The following SPG7 variants were observed in gnomAD, a reference collection of about 807,000 sequenced individuals.
The protein encoded by SPG7 is SPG7 matrix AAA peptidase subunit, paraplegin, also known as mitochondrial inner membrane m-AAA protease component paraplegin.
A neutral mutation model predicts 81.9 loss-of-function variants in SPG7; 103 were observed. The observed-to-expected ratio is 1.26, with a 90% confidence interval of 1.07 to 1.48. The LOEUF (loss-of-function observed/expected upper bound fraction) is 1.48, where lower values mean the gene tolerates loss of function less well. Among genes scored for constraint, SPG7 ranks in the 40% most tolerant of loss-of-function variants. The pLI, the probability that SPG7 is intolerant of heterozygous loss-of-function variation, is 0.00. For synonymous variants in SPG7, 534 were observed against 444.2 expected, an observed-to-expected ratio of 1.20 and a Z score of -2.54; for missense variants, 1,241 against 1,087.3, an observed-to-expected ratio of 1.14 and a Z score of -1.99.
chr16:89,534,928 G>T (rs1282600369), intron 9 of SPG7, among the ~76,000 whole-genome samples: 2 of 152,168 alleles, frequency 1.3e-5, no homozygotes, highest in Non-Finnish European at 2.9e-5. Context: ...TTGAGACAGG[G>T]TCTTGCTGTG....
intron 6 of SPG7, 106 bp from the exon 7 acceptor site, chr16:89,530,577 G>C (rs2058327656): frequency 1.6e-6 from 2 of 1,266,528 alleles, no homozygotes; most frequent in Admixed American, 3.4e-5. Context: ...ATCCTAGGAT[G>C]GAGACGTGGG....
At chr16:89,524,346 G>A (rs1413919652) in intron 4 of SPG7, 99 bp downstream of exon 4, 19 of 1,360,916 alleles carry the variant, frequency 1.4e-5, no homozygotes, top group Non-Finnish European at 1.9e-5. Flanking sequence ...GGGTGTGGGC[G>A]CTGGCTGTTG....
At chr16:89,531,864 T>A in intron 7 of SPG7, 40 bp from the exon 8 acceptor site, 1 of 1,611,766 alleles carries the variant, frequency 6.2e-7, no homozygotes, top group Non-Finnish European at 8.5e-7. Context: ...AAAAACGGAA[T>A]CCCCAAGTAG....
rs115372246 is a variant in SPG7 at position 89,551,363 on chromosome 16, T to G, written c.1779+754T>G. ...TGCCAGCTTGGTTTGTCAGTGCTGG[T>G]CTCCGTGATTGGTTCTCAGGTGTGA... On this transcript the variant is annotated intron_variant, in intron 13 of 16. Coordinates refer to ENST00000645818, the MANE Select transcript of SPG7 (RefSeq NM_003119.4). The G allele has an allele frequency of 8.3e-3, 1,305 of 157,212 alleles. 10 individuals are homozygous for G. The highest frequency in any genetic ancestry group is 0.024 in the Middle Eastern group (7 of 294). 9.7% of individuals were successfully genotyped at this position (157,212 alleles called of 1,614,324 possible).
At position 89,529,978 on chromosome 16, in the gene SPG7, T is replaced by A. The variant is rs1386643825; in HGVS notation, c.861+399T>A. On this transcript the variant is annotated intron_variant, in intron 6 of 16. Coordinates refer to ENST00000645818, the MANE Select transcript of SPG7 (RefSeq NM_003119.4). ...CCTCAGCTTCCCGAGTAGCTGGGAT[T>A]ACAGGCACGCGCCACCACGTCCAGC... The A allele has an allele frequency of 9.4e-6, 3 of 320,724 alleles. No homozygotes were observed. In the Admixed American group the frequency reaches 1.3e-4, roughly 14 times the overall value. 19.9% of individuals were successfully genotyped at this position (320,724 alleles called of 1,614,324 possible).
At chr16:89,511,499 G>C (rs920876634) in intron 2 of SPG7, among the ~76,000 whole-genome samples, 1 of 152,208 alleles carries the variant, frequency 6.6e-6, no homozygotes, top group African/African-American at 2.4e-5. Context: ...CATGGGTAGG[G>C]AGAGTGCCGT....
chr16:89,554,496 T>G lies in SPG7; in HGVS notation c.2114T>G (p.Leu705Arg), dbSNP rs753538779. Residue 705 changes from leucine to arginine, a missense_variant, in exon 16 of 17, where the codon CTG becomes CGG. Transcript: ENST00000645818. Reference protein sequence around the residue: ...LQQMMDHEARLLVAKAYRHTE... With the variant: ...LQQMMDHEARRLVAKAYRHTE... The stretch of plus-strand genomic sequence containing the variant: ...TCCCTCCACTCACAGGAAGCAAGAC[T>G]GCTGGTGGCCAAGGCCTACAGACAC... The G allele has an allele frequency of 2.5e-6, 4 of 1,608,926 alleles. No homozygotes were observed. In the Admixed American group the frequency reaches 6.7e-5, roughly 27 times the overall value.
chr16:89,546,683 A>G lies in SPG7; in HGVS notation c.1475A>G (p.His492Arg). The G allele has an allele frequency of 6.2e-7, 1 of 1,612,984 alleles. No homozygotes were observed. The highest frequency in any genetic ancestry group is 8.5e-7 in the Non-Finnish European group (1 of 1,179,476). ...LQERREIFEQ[H>R]LKSLKLTQSS... Reference sequence around the variant, plus strand: ...GAGAGGCGGGAGATTTTTGAGCAGCACCTGAAGAGCCTGAAGCTGACCCAG... The same window carrying G: ...GAGAGGCGGGAGATTTTTGAGCAGCGCCTGAAGAGCCTGAAGCTGACCCAG... Residue 492 changes from histidine (H) to arginine (R), a missense_variant, in exon 11 of 17, where the codon CAC becomes CGC. Transcript: ENST00000645818.
chr16:89,532,926 T>G, intron 9 of SPG7: 1 of 435,252 alleles, frequency 2.3e-6, no homozygotes, highest in Non-Finnish European at 4.3e-6. Context: ...TCTACAAAAA[T>G]ACAAAAGTCA....
Position 89,524,240 on chromosome 16 carries a change from G to A in SPG7, c.611G>A (p.Gly204Glu), listed in dbSNP as rs1434803859. 6.2e-7 allele frequency: 1 copy of A among 1,610,588 alleles called. No individual in the cohort carries two copies. ...CTGCACCCTGGAGCCGTGGTGTTTGGGCGGCCTGTGAGTGAGGGTGCGGGA... is the reference window on the plus strand; with the variant it reads ...CTGCACCCTGGAGCCGTGGTGTTTGAGCGGCCTGTGAGTGAGGGTGCGGGA... Reference protein sequence around the residue: ...VYLHPGAVVFGRPRLALMYRM... With the variant: ...VYLHPGAVVFERPRLALMYRM... The change falls in exon 4 of 17, where the codon GGG becomes GAG. Residue 204 changes from glycine to glutamate, a missense_variant. Gly to Glu is a moderately conservative substitution (Grantham distance 98). Transcript: ENST00000645818.
Position 89,550,480 on chromosome 16 carries a change from C to CGGCATTCT in SPG7, c.1664-13_1664-6dup, listed in dbSNP as rs1567931749. 1 of 1,593,412 alleles carries CGGCATTCT rather than the reference C, an allele frequency of 6.3e-7. No homozygotes were observed. The highest frequency in any genetic ancestry group is 8.6e-7 in the Non-Finnish European group (1 of 1,162,208). On this transcript the variant is annotated splice_polypyrimidine_tract_variant and intron_variant, in intron 12 of 16. Transcript: ENST00000645818. ...GAGCCACCGCGCCCAACTCATACCC[C>CGGCATTCT]GGCATTCTTTCAGGGACTGCCAAAA...
At position 89,526,485 on chromosome 16, in the gene SPG7, T is replaced by C; in HGVS notation, c.758+17T>C. 1 of 1,614,102 alleles carries C rather than the reference T, an allele frequency of 6.2e-7. No individual in the cohort carries two copies. Among genetic ancestry groups the C allele is most frequent in the East Asian group, 2.2e-5 (1 of 44,884 alleles). ...CTTTGGAAAGTATGTTGGATGTATT[T>C]GTTGATGCTTGAACTAAACCTAACT... On this transcript the variant is annotated intron_variant, in intron 5 of 16. Transcript: ENST00000645818.
At position 89,515,748 on chromosome 16, in the gene SPG7, G is replaced by T. The variant is rs190045701; in HGVS notation, c.376+2711G>T. 3.2e-3 allele frequency among the ~76,000 whole-genome samples: 486 copies of T among 149,604 alleles called. 2 individuals carry two copies. Among genetic ancestry groups the T allele is most frequent in the African/African-American group, 0.012 (470 of 40,472 alleles). On this transcript the variant is annotated intron_variant, in intron 3 of 16. Coordinates refer to ENST00000645818, the MANE Select transcript of SPG7 (RefSeq NM_003119.4). ...TTTTGAGATGGGGTCTCGCTCTGTC[G>T]CCAGGCTAGAGTGCAATGGCACGAT... is the stretch of plus-strand genomic sequence containing the variant.
chr16:89,548,805 A>T (rs1429368920), intron 12 of SPG7: 1 of 387,626 alleles, frequency 2.6e-6, no homozygotes, highest in Non-Finnish European at 5.3e-6. Context: ...CATCTCATGG[A>T]ATGGAGTTCA....
Position 89,508,747 on chromosome 16 carries a change from G to T in SPG7, c.183+147G>T, listed in dbSNP as rs909941805. On this transcript the variant is annotated intron_variant, in intron 1 of 16. Transcript: ENST00000645818. Reference sequence around the variant, plus strand: ...CGCGGATCCCCCAGCTGTGGACCTCGGCGCGGAGCGACTGTTGGGGCCCTG... The same window carrying T: ...CGCGGATCCCCCAGCTGTGGACCTCTGCGCGGAGCGACTGTTGGGGCCCTG... The T allele has an allele frequency of 6.6e-6, 6 of 907,514 alleles. No homozygotes were observed. In the African/African-American group the frequency reaches 9.9e-5, roughly 15 times the overall value. The allele number at this position is 907,514 out of a possible 1,614,324, so 56.2% of individuals were successfully genotyped here. A position where few individuals can be genotyped will look rare whatever the true frequency, so the allele number is the denominator to read the frequency against.
chr16:89,541,444 C>A, intron 9 of SPG7: 1 of 606,256 alleles, frequency 1.6e-6, no homozygotes. Context: ...TGGTTGTCAG[C>A]AGTTAGGGGA....
intron 10 of SPG7, 93 bp downstream of exon 10, chr16:89,544,865 G>A (rs2058543416): frequency 6.7e-7 from 1 of 1,500,396 alleles, no homozygotes; most frequent in South Asian, 1.1e-5. Flanking sequence ...ACTTCTTGGT[G>A]TGAAGCCTGT....
Position 89,529,588 on chromosome 16 carries a change from T to C in SPG7, c.861+9T>C. 3.8e-6 allele frequency: 6 copies of C among 1,589,338 alleles called. No homozygotes were observed. Among genetic ancestry groups the C allele is most frequent in the Non-Finnish European group, 5.2e-6 (6 of 1,157,658 alleles). On this transcript the variant is annotated intron_variant, in intron 6 of 16. Coordinates refer to ENST00000645818, the MANE Select transcript of SPG7 (RefSeq NM_003119.4). ...GTGGATTCAGTGCTTTTGTAAGTTC[T>C]GTAAATCAGAGCTCTCTGAACTCTT...
rs879259906 is a variant in SPG7 at position 89,509,081 on chromosome 16, C to T, written c.183+481C>T. On this transcript the variant is annotated intron_variant, in intron 1 of 16. Transcript: ENST00000645818. ...TTTGCTGTTGTCATGTAGCTCGGCA[C>T]GTTATTGATACAGTCATTGAGCACC... is the stretch of plus-strand genomic sequence containing the variant. 10 of 408,284 alleles carry T rather than the reference C, an allele frequency of 2.4e-5. No homozygotes were observed. In the East Asian group the frequency reaches 7.2e-4, roughly 29 times the overall value. 25.3% of individuals were successfully genotyped at this position (408,284 alleles called of 1,614,324 possible). A position where few individuals can be genotyped will look rare whatever the true frequency, so the allele number is the denominator to read the frequency against.
Sources: allele counts gnomAD v4.1 joint callset (sites outside exome capture counted in the v4.1 genomes callset), GRCh38; gene constraint gnomAD v4.1.1; transcripts MANE v1.5; gene names NCBI Gene and HGNC (gene_info 2026-07-23, HGNC 2026-07-21).